Variants in CCDC42 observed in about 807,000 individuals in gnomAD.
CCDC42 encodes coiled-coil domain containing 42.
CCDC42 carries 38 observed loss-of-function variants against 40.8 expected under a neutral mutation model. The ratio of observed to expected loss-of-function variants is 0.93; its 90% CI spans 0.72 to 1.22. The LOEUF (loss-of-function observed/expected upper bound fraction) is 1.22. CCDC42 is among the 50% of genes most tolerant of loss of function. The probability of loss-of-function intolerance (pLI) is 0.00; values close to 1 mark genes in which losing one functional copy is unlikely to be tolerated. For synonymous variants in CCDC42, 135 were observed against 157.5 expected (o/e 0.86, Z 1.07); for missense variants, 379 against 416.5 (o/e 0.91, Z 0.78).
At chr17:8,732,866 C>A (rs994229891) in intron 6 of CCDC42, among the ~76,000 whole-genome samples, 4 of 152,188 alleles carry the variant, frequency 2.6e-5, no homozygotes, top group African/African-American at 9.6e-5. Flanking sequence ...TTCCATGACA[C>A]ACTCGAAGGA....
chr17:8,731,160 A>G (rs554490255), intron 6 of CCDC42, among the ~76,000 whole-genome samples: 3 of 152,302 alleles, frequency 2.0e-5, no homozygotes, highest in African/African-American at 7.2e-5. Context: ...AGATTGGCCC[A>G]GACAGCCTCT....
At chr17:8,734,239 C>T (rs1053426408) in intron 6 of CCDC42, among the ~76,000 whole-genome samples, 1 of 152,128 alleles carries the variant, frequency 6.6e-6, no homozygotes, top group Admixed American at 6.5e-5. Flanking sequence ...TTAAAATTTT[C>T]TGTTTTAATT....
chr17:8,739,378 G>A (rs1009611843), intron 4 of CCDC42, among the ~76,000 whole-genome samples: 2 of 152,216 alleles, frequency 1.3e-5, no homozygotes, highest in African/African-American at 2.4e-5. Flanking sequence ...TCGCGCCAGC[G>A]GCAGGGCTGT....
In CCDC42 at chr17:8,741,622, C is replaced by T. The variant is rs369756851; in HGVS notation, c.344G>A (p.Arg115Gln). The change falls in exon 4 of 7, where the codon CGA becomes CAA. Residue 115 changes from arginine to glutamine, a missense_variant. By Grantham distance (43) the Arg-to-Gln change is conservative (BLOSUM62 1). Coordinates refer to ENST00000293845, the MANE Select transcript of CCDC42 (RefSeq NM_144681.3). Reference sequence around the variant, plus strand: ...CTGCATGTGCTGGCACTTGAGTTCTCGCTCCTTGTTGGCTTTCTTCATGGC... The same window carrying T: ...CTGCATGTGCTGGCACTTGAGTTCTTGCTCCTTGTTGGCTTTCTTCATGGC... ...IRAMKKANKE[R>Q]ELKCQHMQEL... 2.2e-5 allele frequency: 36 copies of T among 1,613,944 alleles called. No homozygotes were observed. In the African/African-American group the frequency reaches 2.7e-4, roughly 12 times the overall value.
chr17:8,733,732 A>C lies in CCDC42; in HGVS notation c.873+1364T>G, dbSNP rs900350595. 5.0e-4 allele frequency among the ~76,000 whole-genome samples: 75 copies of C among 151,434 alleles called. No homozygotes were observed. The East Asian group carries it at 9.9e-3, about 20-fold the overall frequency. ...TCTCAAACTCCTGACCTCATGATCC[A>C]CCCGCCTCAGCCTCCAAAAGTGCTG... On this transcript the variant is annotated intron_variant, in intron 6 of 6. Transcript: ENST00000293845.
rs1302772726 is a variant in CCDC42 at position 8,737,053 on chromosome 17, G to GA, written c.493-1443dup. Among the ~76,000 whole-genome samples, 935 of 112,748 alleles carry GA rather than the reference G, an allele frequency of 8.3e-3. 5 individuals are homozygous for GA. The highest frequency in any genetic ancestry group is 0.012 in the Admixed American group (134 of 11,102). 74.0% of individuals were successfully genotyped at this position (112,748 alleles called of 152,430 possible). On this transcript the variant is annotated intron_variant, in intron 4 of 6. Transcript: ENST00000293845. ...AGAGGGAGGGAGGAAGGAAGGGAAA[G>GA]AAAAAAGAAAAGAAAAAGGAAAGAA... is the stretch of plus-strand genomic sequence containing the variant.
intron 4 of CCDC42, among the ~76,000 whole-genome samples, chr17:8,736,915 AAGG>A (rs1310641269): frequency 1.3e-5 from 2 of 151,084 alleles, no homozygotes; most frequent in Non-Finnish European, 2.9e-5. Flanking sequence ...AAGAAGAAGA[AAGG>A]AAGAAGAAAG....
In CCDC42 at chr17:8,735,655, C is replaced by A. The variant is rs770116952; in HGVS notation, c.493-44G>T. ...GTCAATGCACAGCCAGCCCCTGGGGCCTGAGGGAGCCACCCAGTCCTGCCA... is the reference window on the plus strand; with the variant it reads ...GTCAATGCACAGCCAGCCCCTGGGGACTGAGGGAGCCACCCAGTCCTGCCA... On this transcript the variant is annotated intron_variant, in intron 4 of 6. Coordinates refer to ENST00000293845, the MANE Select transcript of CCDC42 (RefSeq NM_144681.3). This position sits in a 1 kb window ranked among gnomAD's most constrained non-coding sequence, Gnocchi z 4.7. The A allele has an allele frequency of 4.6e-6, 7 of 1,536,118 alleles. No individual in the cohort carries two copies. The highest frequency in any genetic ancestry group is 3.6e-5 in the Admixed American group (2 of 54,940).
chr17:8,744,836 C>T lies in CCDC42; in HGVS notation c.-227G>A, dbSNP rs1051128750. 4.3e-5 allele frequency: 25 copies of T among 576,450 alleles called. No individual in the cohort carries two copies. The Admixed American group carries it at 5.7e-4, about 13-fold the overall frequency. The allele number at this position is 576,450 out of a possible 1,614,324, so 35.7% of individuals were successfully genotyped here. A position where few individuals can be genotyped will look rare whatever the true frequency, so the allele number is the denominator to read the frequency against. On this transcript the variant is annotated 5_prime_UTR_variant, in exon 1 of 7. Coordinates refer to ENST00000293845, the MANE Select transcript of CCDC42 (RefSeq NM_144681.3). ...TATGGGAGATGTGGTTACCTAGCAACAGGCTGCCTGGTTCTGTGGCCGGCA... is the reference window on the plus strand; with the variant it reads ...TATGGGAGATGTGGTTACCTAGCAATAGGCTGCCTGGTTCTGTGGCCGGCA...
In CCDC42 at chr17:8,735,629, G is replaced by T. The variant is rs2086607260; in HGVS notation, c.493-18C>A. 1 of 1,605,940 alleles carries T rather than the reference G, an allele frequency of 6.2e-7. No individual in the cohort carries two copies. Among genetic ancestry groups the T allele is most frequent in the Non-Finnish European group, 8.5e-7 (1 of 1,174,438 alleles). Reference sequence around the variant, plus strand: ...TCCTCGAACTGTGGTCAGGGGCTCAGGTCAATGCACAGCCAGCCCCTGGGG... The same window carrying T: ...TCCTCGAACTGTGGTCAGGGGCTCATGTCAATGCACAGCCAGCCCCTGGGG... On this transcript the variant is annotated intron_variant, in intron 4 of 6. Transcript: ENST00000293845. The surrounding 1 kb of genome is among the most constrained non-coding windows in gnomAD (Gnocchi z 4.7).
At chr17:8,739,641 C>T (rs1053878079) in intron 4 of CCDC42, among the ~76,000 whole-genome samples, 1 of 152,192 alleles carries the variant, frequency 6.6e-6, no homozygotes, top group East Asian at 1.9e-4. Flanking sequence ...CTCCTGGGTT[C>T]AAGCAATTCT....
chr17:8,736,580 C>T (rs1385591536), intron 4 of CCDC42, among the ~76,000 whole-genome samples: 1 of 152,232 alleles, frequency 6.6e-6, no homozygotes, highest in Non-Finnish European at 1.5e-5. Context: ...AGCACCTTCT[C>T]CATCTCGTGA....
intron 6 of CCDC42, among the ~76,000 whole-genome samples, chr17:8,731,657 A>T (rs2086580830): frequency 6.6e-6 from 1 of 152,190 alleles, no homozygotes; most frequent in Non-Finnish European, 1.5e-5. Flanking sequence ...GGAACAGAAA[A>T]CCAAATACTG....
At chr17:8,744,058 A>C (rs2086662280) in intron 2 of CCDC42, 21 bp downstream of exon 2, 5 of 1,531,198 alleles carry the variant, frequency 3.3e-6, no homozygotes, top group East Asian at 2.3e-5. Context: ...GCCCCTCTGC[A>C]CTCCATCCCT....
At chr17:8,733,287 G>A (rs1421261620) in intron 6 of CCDC42, among the ~76,000 whole-genome samples, 1 of 152,114 alleles carries the variant, frequency 6.6e-6, no homozygotes, top group African/African-American at 2.4e-5. Context: ...TAGGCGACTC[G>A]GTCGTGTATT....
chr17:8,734,375 G>A (rs562001343), intron 6 of CCDC42, among the ~76,000 whole-genome samples: 2 of 152,158 alleles, frequency 1.3e-5, no homozygotes, highest in Non-Finnish European at 2.9e-5. Context: ...GCTTACAAAC[G>A]CCCTCCTTTG....
intron 3 of CCDC42, among the ~76,000 whole-genome samples, chr17:8,742,006 TCA>T (rs1218010944): frequency 6.6e-6 from 1 of 151,866 alleles, no homozygotes; most frequent in Non-Finnish European, 1.5e-5. Context: ...GCTCTGGACT[TCA>T]GAGAGTGGAC....
chr17:8,735,173 G>A lies in CCDC42; in HGVS notation c.796C>T (p.Leu266Phe). Residue 266 changes from leucine (L) to phenylalanine (F), a missense_variant, in exon 6 of 7, where the codon CTC becomes TTC. Physicochemically the swap from Leu to Phe is conservative, Grantham distance 22. Coordinates refer to ENST00000293845, the MANE Select transcript of CCDC42 (RefSeq NM_144681.3). The surrounding 1 kb of genome is among the most constrained non-coding windows in gnomAD (Gnocchi z 4.7). ...AGGTGCTTGCTCACGATCTGGAAGAGGTTCAGCGTGGCCATCTTAATGGTG... is the reference window on the plus strand; with the variant it reads ...AGGTGCTTGCTCACGATCTGGAAGAAGTTCAGCGTGGCCATCTTAATGGTG... ...LGTIKMATLNLFQIVSKHLKE... is the reference protein window; with the variant it reads ...LGTIKMATLNFFQIVSKHLKE... 1 of 1,614,204 alleles carries A rather than the reference G, an allele frequency of 6.2e-7. No homozygotes were observed.
In CCDC42 at chr17:8,740,489, CAA is replaced by C. The variant is rs750740758; in HGVS notation, c.492+983_492+984del. Among the ~76,000 whole-genome samples, 98 of 58,788 alleles carry C rather than the reference CAA, an allele frequency of 1.7e-3. No homozygotes were observed. In the East Asian group the frequency reaches 0.022, roughly 13 times the overall value. The allele number at this position is 58,788 out of a possible 152,430, so 38.6% of individuals were successfully genotyped here. ...GGGCAACAAAAGTGAAACTCCGTCT[CAA>C]AAAAAAAAAAAAAAAAAAAAGTGGA... On this transcript the variant is annotated intron_variant, in intron 4 of 6. Coordinates refer to ENST00000293845, the MANE Select transcript of CCDC42 (RefSeq NM_144681.3).
Sources: allele counts gnomAD v4.1 joint callset (sites outside exome capture counted in the v4.1 genomes callset), GRCh38; gene constraint gnomAD v4.1.1; non-coding constraint Gnocchi (gnomAD v3.1); transcripts MANE v1.5; gene names NCBI Gene and HGNC (gene_info 2026-07-23, HGNC 2026-07-21).